CCNA1: variants seen among roughly 807,000 people sequenced by gnomAD.
CCNA1 encodes cyclin-A1.
CCNA1 carries 23 observed loss-of-function variants against 54.1 expected under a neutral mutation model. The ratio of observed to expected loss-of-function variants is 0.42; its 90% CI spans 0.31 to 0.60. The LOEUF is 0.60. CCNA1 is among the 20% of genes least tolerant of loss of function. The pLI is 0.14. For synonymous variants in CCNA1, 208 were observed against 213.9 expected, an observed-to-expected ratio of 0.97 and a Z score of 0.24; for missense variants, 450 against 556.7, an observed-to-expected ratio of 0.81 and a Z score of 1.93.
At chr13:36,438,225 G>A in intron 4 of CCNA1, 34 bp downstream of exon 4, 1 of 1,590,908 alleles carries the variant, frequency 6.3e-7, no homozygotes, top group Non-Finnish European at 8.6e-7. Flanking sequence ...CAATCTTCAG[G>A]ACCCGAGCTC....
At chr13:36,434,552 G>T (rs1044755877) in intron 2 of CCNA1, among the ~76,000 whole-genome samples, 4 of 152,054 alleles carry the variant, frequency 2.6e-5, no homozygotes, top group African/African-American at 9.7e-5. Context: ...TAAATTCCCA[G>T]TTGCTAACCT....
chr13:36,440,150 A>G lies in CCNA1; in HGVS notation c.1065A>G (p.Gln355=), dbSNP rs756868331. ...TTCTCCTTCAGTACTTGAGGCGACA[A>G]GGAGTGTGCGTCAGGACTGAGAACC... Residue 355 remains glutamine (Q), a synonymous_variant, in exon 6 of 9, where the codon CAA becomes CAG. Coordinates refer to ENST00000255465, the MANE Select transcript of CCNA1 (RefSeq NM_003914.4). The G allele has an allele frequency of 6.2e-7, 1 of 1,614,076 alleles. No homozygotes were observed. Among genetic ancestry groups the G allele is most frequent in the Non-Finnish European group, 8.5e-7 (1 of 1,179,950 alleles).
At chr13:36,433,423 T>TTTCG (rs1464691967) in intron 2 of CCNA1, among the ~76,000 whole-genome samples, 87 of 121,304 alleles carry the variant, frequency 7.2e-4, no homozygotes, top group African/African-American at 2.6e-3. Context: ...TCTTTCTTTC[T>TTTCG]TTCTTTCTTT....
intron 2 of CCNA1, among the ~76,000 whole-genome samples, chr13:36,435,079 T>A (rs2055785863): frequency 6.6e-6 from 1 of 152,210 alleles, no homozygotes; most frequent in Admixed American, 6.5e-5. Context: ...CGGTCCCTTT[T>A]TCAGCTAGAA....
At chr13:36,438,515 TAAAG>T in intron 4 of CCNA1, 125 bp from the exon 5 acceptor site, 1 of 703,928 alleles carries the variant, frequency 1.4e-6, no homozygotes. Context: ...CTTGTTATGA[TAAAG>T]ATTTATTTGG....
intron 7 of CCNA1, among the ~76,000 whole-genome samples, chr13:36,441,787 A>T (rs1183545039): frequency 6.6e-6 from 1 of 152,068 alleles, no homozygotes; most frequent in Non-Finnish European, 1.5e-5. Context: ...TTCTTTTTTT[A>T]AAAATTTTCT....
At chr13:36,441,851 A>AT (rs1292946984) in intron 7 of CCNA1, among the ~76,000 whole-genome samples, 1 of 151,872 alleles carries the variant, frequency 6.6e-6, no homozygotes, top group African/African-American at 2.4e-5. Context: ...TTGACTAAAA[A>AT]TTTTTCATGT....
chr13:36,441,209 A>G lies in CCNA1; in HGVS notation c.1190A>G (p.Tyr397Cys). ...GCAGCAGCTTTTTGCCTGGCAAACTATACTGTGAACAAGCACTTTTGGGTA... is the reference window on the plus strand; with the variant it reads ...GCAGCAGCTTTTTGCCTGGCAAACTGTACTGTGAACAAGCACTTTTGGGTA... The change falls in exon 7 of 9, where the codon TAT becomes TGT. Residue 397 changes from tyrosine (Y) to cysteine (C), a missense_variant. Tyr to Cys is a radical substitution (Grantham distance 194). Around this residue, in one of 6 missense-constraint regions of CCNA1, gnomAD observed 22 missense variants for 52.7 expected, o/e 0.42. Transcript: ENST00000255465. The G allele has an allele frequency of 1.2e-6, 2 of 1,608,682 alleles. No homozygotes were observed. Among genetic ancestry groups the G allele is most frequent in the Non-Finnish European group, 8.5e-7 (1 of 1,175,268 alleles).
chr13:36,434,395 T>C (rs2055775447), intron 2 of CCNA1, among the ~76,000 whole-genome samples: 1 of 152,352 alleles, frequency 6.6e-6, no homozygotes, highest in East Asian at 1.9e-4. Flanking sequence ...ACTCTTCACA[T>C]GCTCTGTTCA....
chr13:36,441,273 C>A, intron 7 of CCNA1, 42 bp downstream of exon 7: 3 of 1,225,404 alleles, frequency 2.4e-6, no homozygotes, highest in Non-Finnish European at 3.6e-6. Flanking sequence ...CAAGGTCTAT[C>A]TAGAATGGGC....
Position 36,432,718 on chromosome 13 carries a change from T to A in CCNA1, c.97T>A (p.Phe33Ile). ...CTGGGAAGGACCGGGGCTCCCAGATTTCGTCTTCCAGGTAACGTGGGTTTA... is the reference window on the plus strand; with the variant it reads ...CTGGGAAGGACCGGGGCTCCCAGATATCGTCTTCCAGGTAACGTGGGTTTA... Residue 33 changes from phenylalanine to isoleucine, a missense_variant, in exon 1 of 9, where the codon TTC becomes ATC. Phe to Ile is a conservative substitution (Grantham distance 21). Around this residue, in one of 6 missense-constraint regions of CCNA1, gnomAD observed 103 missense variants for 100.9 expected, o/e 1.02. Transcript: ENST00000255465. The A allele has an allele frequency of 6.2e-7, 1 of 1,608,760 alleles. No homozygotes were observed. Among genetic ancestry groups the A allele is most frequent in the Non-Finnish European group, 8.5e-7 (1 of 1,175,782 alleles).
At position 36,438,863 on chromosome 13, in the gene CCNA1, G is replaced by A. The variant is rs1566172766; in HGVS notation, c.889G>A (p.Ala297Thr). The change falls in exon 5 of 9, where the codon GCT becomes ACT. Residue 297 changes from alanine (A) to threonine (T), a missense_variant. Ala to Thr is a moderately conservative substitution (Grantham distance 58, BLOSUM62 0). This residue lies in a region of CCNA1 where 150 missense variants were observed against 219.7 expected (regional missense o/e 0.68). Transcript: ENST00000255465. ...CGTAGGAACAGCAGCTATGCTTTTG[G>A]CTTCGTAAGTGTTCTTTCAGCTTGC... The A allele has an allele frequency of 1.2e-6, 2 of 1,612,136 alleles. No homozygotes were observed. The highest frequency in any genetic ancestry group is 1.7e-6 in the Non-Finnish European group (2 of 1,178,268).
At position 36,432,640 on chromosome 13, in the gene CCNA1, G is replaced by T; in HGVS notation, c.19G>T (p.Ala7Ser). Residue 7 changes from alanine to serine, a missense_variant, in exon 1 of 9, where the codon GCA becomes TCA. Ala to Ser is a moderately conservative substitution (Grantham distance 99, BLOSUM62 1). Coordinates refer to ENST00000255465, the MANE Select transcript of CCNA1 (RefSeq NM_003914.4). ...ACTTGGGATGGAGACCGGCTTTCCC[G>T]CAATCATGTACCCTGGATCTTTTAT... 1 of 1,598,880 alleles carries T rather than the reference G, an allele frequency of 6.3e-7. No individual in the cohort carries two copies. The highest frequency in any genetic ancestry group is 8.5e-7 in the Non-Finnish European group (1 of 1,173,722).
chr13:36,435,358 G>A (rs2055790094), intron 2 of CCNA1, among the ~76,000 whole-genome samples: 1 of 152,156 alleles, frequency 6.6e-6, no homozygotes, highest in East Asian at 1.9e-4. Context: ...AACAGACCTG[G>A]GCCTGGCCAG....
chr13:36,441,225 C>T lies in CCNA1; in HGVS notation c.1206C>T (p.His402=), dbSNP rs1337793078. 6.3e-7 allele frequency: 1 copy of T among 1,588,706 alleles called. No individual in the cohort carries two copies. The highest frequency in any genetic ancestry group is 1.3e-5 in the African/African-American group (1 of 74,412). ...TGGCAAACTATACTGTGAACAAGCA[C>T]TTTTGGGTAAGATTCTAACTTCTTT... The change falls in exon 7 of 9, where the codon CAC becomes CAT. Residue 402 remains histidine (H), a synonymous_variant. Transcript: ENST00000255465.
chr13:36,439,213 A>T (rs569393788), intron 5 of CCNA1, among the ~76,000 whole-genome samples: 3 of 152,356 alleles, frequency 2.0e-5, no homozygotes, highest in African/African-American at 7.2e-5. Flanking sequence ...ACAAAAAGCT[A>T]TCTTCATGAT....
In CCNA1 at chr13:36,441,177, G is replaced by A. The variant is rs146743791; in HGVS notation, c.1158G>A (p.Leu386=). 494 of 1,613,278 alleles carry A rather than the reference G, an allele frequency of 3.1e-4. 1 individual carries two copies. The East Asian group carries it at 8.2e-3, about 27-fold the overall frequency. The change falls in exon 7 of 9, where the codon CTG becomes CTA. Residue 386 remains leucine (L), a synonymous_variant. Coordinates refer to ENST00000255465, the MANE Select transcript of CCNA1 (RefSeq NM_003914.4). ...CATTCTTGAAATATCTTCCTTCACT[G>A]ATAGCTGCAGCAGCTTTTTGCCTGG...
chr13:36,441,197 G>A lies in CCNA1; in HGVS notation c.1178G>A (p.Cys393Tyr). ...TCACTGATAGCTGCAGCAGCTTTTTGCCTGGCAAACTATACTGTGAACAAG... is the reference window on the plus strand; with the variant it reads ...TCACTGATAGCTGCAGCAGCTTTTTACCTGGCAAACTATACTGTGAACAAG... The change falls in exon 7 of 9, where the codon TGC (cysteine) becomes TAC (tyrosine). Residue 393 changes from cysteine (C) to tyrosine (Y), a missense_variant. Physicochemically the swap from Cys to Tyr is radical, Grantham distance 194. This residue lies in a region of CCNA1 where 22 missense variants were observed against 52.7 expected (regional missense o/e 0.42). Transcript: ENST00000255465. 2 of 1,612,208 alleles carry A rather than the reference G, an allele frequency of 1.2e-6. No individual in the cohort carries two copies. The highest frequency in any genetic ancestry group is 2.7e-5 in the African/African-American group (2 of 74,980).
intron 7 of CCNA1, among the ~76,000 whole-genome samples, chr13:36,441,897 T>C (rs2055879229): frequency 6.6e-6 from 1 of 152,188 alleles, no homozygotes; most frequent in Non-Finnish European, 1.5e-5. Flanking sequence ...AGCAGGGCTC[T>C]ATAAGGACCA....
Sources: gnomAD v4.1 joint callset for allele counts (sites outside exome capture counted in the v4.1 genomes callset) on GRCh38, gnomAD v4.1.1 for gene constraint, gnomAD v4.1.1 regional missense constraint, MANE v1.5 for transcripts, NCBI Gene and HGNC (gene_info 2026-07-23, HGNC 2026-07-21) for gene names.